Variants in ABCG2 observed in about 807,000 individuals in gnomAD.
ABCG2 encodes broad substrate specificity ATP-binding cassette transporter ABCG2.
ABCG2 carries 80 observed loss-of-function variants against 73.5 expected under a neutral mutation model. The ratio of observed to expected loss-of-function variants is 1.09; its 90% confidence interval spans 0.91 to 1.31. The LOEUF (loss-of-function observed/expected upper bound fraction) is 1.31. Among genes scored for constraint, ABCG2 ranks in the 50% most tolerant of loss-of-function variants. The pLI is 0.00. For synonymous variants in ABCG2, 269 were observed against 282.4 expected (o/e 0.95, Z 0.48); for missense variants, 796 against 786.2 (o/e 1.01, Z -0.15).
intron 1 of ABCG2, among the ~76,000 whole-genome samples, chr4:88,191,922 G>A (rs1269444187): frequency 6.6e-6 from 1 of 152,132 alleles, no homozygotes; most frequent in Non-Finnish European, 1.5e-5. Flanking sequence ...AAGTTGTCTG[G>A]GGCTTTGGGA....
intron 1 of ABCG2, among the ~76,000 whole-genome samples, chr4:88,217,737 G>T (rs568842461): frequency 1.3e-5 from 2 of 152,162 alleles, no homozygotes; most frequent in South Asian, 4.1e-4. Context: ...ACTCTGGGAA[G>T]GTGAGGCAGC....
chr4:88,097,621 A>C lies in ABCG2; in HGVS notation c.1493-14T>G, dbSNP rs1418316787. On this transcript the variant is annotated splice_polypyrimidine_tract_variant and intron_variant, in intron 12 of 15. Transcript: ENST00000237612. ...TTGGCTTCAATCCTTAGTCAGAAAG[A>C]GAAGAAGTAGTTAACCCAACTGCCT... 6.2e-7 allele frequency: 1 copy of C among 1,612,974 alleles called. No individual in the cohort carries two copies. Among genetic ancestry groups the C allele is most frequent in the Non-Finnish European group, 8.5e-7 (1 of 1,179,494 alleles).
chr4:88,101,517 T>C (rs536656359), intron 10 of ABCG2, among the ~76,000 whole-genome samples, 198 bp from the exon 11 acceptor site: 104 of 152,236 alleles, frequency 6.8e-4, no homozygotes, highest in Admixed American at 2.6e-3. Flanking sequence ...GTGGTACTCA[T>C]TTTGAAACTC....
chr4:88,207,927 G>T (rs1323364800), intron 1 of ABCG2, among the ~76,000 whole-genome samples: 1 of 152,108 alleles, frequency 6.6e-6, no homozygotes, highest in Admixed American at 6.6e-5. Context: ...ATGTTCATGT[G>T]AATTTTAGAA....
intron 1 of ABCG2, among the ~76,000 whole-genome samples, chr4:88,214,294 T>G (rs903304202): frequency 6.6e-6 from 1 of 151,916 alleles, no homozygotes; most frequent in African/African-American, 2.4e-5. Flanking sequence ...ATTTCCCCCA[T>G]CCTCAAAAAT....
chr4:88,151,565 C>T (rs892658708), intron 1 of ABCG2, among the ~76,000 whole-genome samples: 3 of 151,964 alleles, frequency 2.0e-5, no homozygotes, highest in Admixed American at 2.0e-4. Flanking sequence ...GGTGAAACCC[C>T]ATCTCTACTA....
At chr4:88,109,383 TA>T (rs1231631463) in intron 9 of ABCG2, among the ~76,000 whole-genome samples, 1 of 152,226 alleles carries the variant, frequency 6.6e-6, no homozygotes, top group African/African-American at 2.4e-5. Flanking sequence ...GTATTATGAT[TA>T]AGATGTTTCC....
At chr4:88,173,566 C>T (rs1000261345) in intron 1 of ABCG2, among the ~76,000 whole-genome samples, 13 of 152,174 alleles carry the variant, frequency 8.5e-5, no homozygotes, top group Non-Finnish European at 1.9e-4. Context: ...GATATGGATT[C>T]TATTTTTCAA....
intron 1 of ABCG2, among the ~76,000 whole-genome samples, chr4:88,219,245 T>C (rs569178071): frequency 6.6e-6 from 1 of 152,368 alleles, no homozygotes; most frequent in South Asian, 2.1e-4. Flanking sequence ...CTCAGTACAC[T>C]GTTCCGCAAG....
chr4:88,139,948 G>A lies in ABCG2; in HGVS notation c.48C>T (p.Asn16=). 6.2e-7 allele frequency: 1 copy of A among 1,614,106 alleles called. No homozygotes were observed. Among genetic ancestry groups the A allele is most frequent in the Non-Finnish European group, 8.5e-7 (1 of 1,180,002 alleles). Residue 16 remains asparagine (N), a synonymous_variant, in exon 2 of 16, where the codon AAC becomes AAT. Coordinates refer to ENST00000237612, the MANE Select transcript of ABCG2 (RefSeq NM_004827.3). ...AAGCTGTCGCGGGGAAGCCATTGGTGTTTCCTTGTGACACTGGGATAAAAA... is the reference window on the plus strand; with the variant it reads ...AAGCTGTCGCGGGGAAGCCATTGGTATTTCCTTGTGACACTGGGATAAAAA... ...VEVFIPVSQG[N]TNGFPATASN...
chr4:88,197,013 T>C (rs1728960901), intron 1 of ABCG2, among the ~76,000 whole-genome samples: 1 of 151,786 alleles, frequency 6.6e-6, no homozygotes, highest in Admixed American at 6.6e-5. Context: ...AGGTGAAAGT[T>C]TGAGGAGACT....
intron 6 of ABCG2, among the ~76,000 whole-genome samples, chr4:88,119,446 G>A (rs1056690752): frequency 2.0e-5 from 3 of 152,218 alleles, no homozygotes; most frequent in Middle Eastern, 3.2e-3. Context: ...AGTTTGGAGG[G>A]CTAAGAAGAA....
Position 88,158,418 on chromosome 4 carries a change from C to T in ABCG2, c.-52G>A. 2.3e-6 allele frequency: 1 copy of T among 438,530 alleles called. No homozygotes were observed. Among genetic ancestry groups the T allele is most frequent in the Non-Finnish European group, 4.6e-6 (1 of 218,242 alleles). The allele number at this position is 438,530 out of a possible 1,614,324, so 27.2% of individuals were successfully genotyped here. ...AATAGAGCTCGGTCTTAACCAAAGG[C>T]TCAGGATCTCAGGATGCGTGCGCTC... On this transcript the variant is annotated 5_prime_UTR_variant, in exon 1 of 16. Transcript: ENST00000237612.
chr4:88,162,416 TA>T (rs1232326504), upstream of ABCG2, among the ~76,000 whole-genome samples: 2 of 151,960 alleles, frequency 1.3e-5, no homozygotes, highest in East Asian at 1.9e-4. Flanking sequence ...GGACTAAAAC[TA>T]AAAAAAAGTT....
At chr4:88,121,054 T>C (rs45489498) in intron 6 of ABCG2, among the ~76,000 whole-genome samples, 1,531 of 152,308 alleles carry the variant, frequency 0.01, 26 homozygotes, top group African/African-American at 0.035. Flanking sequence ...TTCTAAGAAC[T>C]TACTGTATGC....
At chr4:88,102,237 A>G (rs1325013884) in intron 10 of ABCG2, among the ~76,000 whole-genome samples, 1 of 152,204 alleles carries the variant, frequency 6.6e-6, no homozygotes, top group Admixed American at 6.5e-5. Flanking sequence ...GAAAAATCTA[A>G]TTTGTGTATC....
chr4:88,167,652 A>G (rs1727595454), intron 1 of ABCG2, among the ~76,000 whole-genome samples: 1 of 152,286 alleles, frequency 6.6e-6, no homozygotes, highest in Non-Finnish European at 1.5e-5. Context: ...CTGGGATTAT[A>G]GGCATGAGCC....
intron 1 of ABCG2, chr4:88,226,783 C>T (rs1020108625): frequency 3.9e-5 from 6 of 152,258 alleles, no homozygotes; most frequent in Non-Finnish European, 8.8e-5. Context: ...TTAGCTTGGC[C>T]CCTGGGCAAG....
At chr4:88,190,841 C>T (rs186765173) in intron 1 of ABCG2, among the ~76,000 whole-genome samples, 1 of 152,030 alleles carries the variant, frequency 6.6e-6, no homozygotes, top group Non-Finnish European at 1.5e-5. Context: ...AAATATTGCA[C>T]GTGCCCTTTT....
Sources: gnomAD v4.1 joint callset for allele counts (sites outside exome capture counted in the v4.1 genomes callset) on GRCh38, gnomAD v4.1.1 for gene constraint, MANE v1.5 for transcripts, NCBI Gene and HGNC (gene_info 2026-07-23, HGNC 2026-07-21) for gene names.